The following ROR2 variants were observed in gnomAD, a reference collection of about 807,000 sequenced individuals.
ROR2 encodes ROR family WNT receptor 2, also known as tyrosine-protein kinase transmembrane receptor ROR2.
ROR2 carries 33 observed loss-of-function variants against 74.9 expected under a neutral mutation model. That is an observed-to-expected ratio of 0.44 (90% CI 0.33 to 0.59). The LOEUF is 0.59. Ranked by LOEUF, ROR2 falls within the 20% of genes least tolerant of loss-of-function variation. ROR2 has a pLI of 0.02. For synonymous variants in ROR2, 586 were observed against 558.7 expected, an observed-to-expected ratio of 1.05 and a Z score of -0.69; for missense variants, 1,216 against 1,313.8, an observed-to-expected ratio of 0.93 and a Z score of 1.15.
chr9:91,724,024 A>T lies in ROR2; in HGVS notation c.2470T>A (p.Tyr824Asn), dbSNP rs1236045040. 1 of 1,612,358 alleles carries T rather than the reference A, an allele frequency of 6.2e-7. No individual in the cohort carries two copies. The highest frequency in any genetic ancestry group is 1.7e-5 in the Admixed American group (1 of 60,010). ...GCCCCATAGGCCGGCACCGGCTGGT[A>T]GCCGTTGACGGGGACGTAGAGCTGC... ...PPQLYVPVNGYQPVPAYGAYL... is the reference protein window; with the variant it reads ...PPQLYVPVNGNQPVPAYGAYL... The change falls in exon 9 of 9, where the codon TAC becomes AAC. Residue 824 changes from tyrosine to asparagine, a missense_variant. By Grantham distance (143) the Tyr-to-Asn change is moderately radical (BLOSUM62 -2). Transcript: ENST00000375708.
chr9:91,815,950 C>T (rs1317520505), intron 1 of ROR2, among the ~76,000 whole-genome samples: 2 of 152,166 alleles, frequency 1.3e-5, no homozygotes, highest in Admixed American at 6.5e-5. Context: ...ACTGGCCACT[C>T]TCTACCTGCT....
At position 91,820,555 on chromosome 9, in the gene ROR2, C is replaced by T. The variant is rs527853379; in HGVS notation, c.98-44737G>A. Among the ~76,000 whole-genome samples the T allele has an allele frequency of 3.4e-4, 52 of 152,308 alleles. No individual in the cohort carries two copies. In the South Asian group the frequency reaches 5.2e-3, roughly 15 times the overall value. On this transcript the variant is annotated intron_variant, in intron 1 of 8. Coordinates refer to ENST00000375708, the MANE Select transcript of ROR2 (RefSeq NM_004560.4). ...AATCTACCAGGAGAGTCCACCACTA[C>T]GCTGGCTCCCTCCCTCCCCTCCCCT...
At position 91,850,481 on chromosome 9, in the gene ROR2, G is replaced by A. The variant is rs368285689; in HGVS notation, c.98-74663C>T. Among the ~76,000 whole-genome samples, 159 of 152,250 alleles carry A rather than the reference G, an allele frequency of 1.0e-3. 6 individuals are homozygous for A. In the South Asian group the frequency reaches 0.029, roughly 28 times the overall value. Reference sequence around the variant, plus strand: ...CAGGACCACAAGAAAAGACTGTGACGCTGAAGCAAAGGGAAGGAGACAGGG... The same window carrying A: ...CAGGACCACAAGAAAAGACTGTGACACTGAAGCAAAGGGAAGGAGACAGGG... On this transcript the variant is annotated intron_variant, in intron 1 of 8. Transcript: ENST00000375708.
At chr9:91,824,805 C>G (rs895987990) in intron 1 of ROR2, among the ~76,000 whole-genome samples, 10 of 152,184 alleles carry the variant, frequency 6.6e-5, no homozygotes, top group Non-Finnish European at 1.3e-4. Flanking sequence ...GGAACCAGCC[C>G]ATGTGTTTGC....
At chr9:91,864,965 C>A (rs1829585674) in intron 1 of ROR2, among the ~76,000 whole-genome samples, 1 of 152,136 alleles carries the variant, frequency 6.6e-6, no homozygotes, top group Admixed American at 6.5e-5. Context: ...CTTCAAGTGG[C>A]AAGTTTAAAT....
intron 1 of ROR2, among the ~76,000 whole-genome samples, chr9:91,857,516 G>A (rs10992139): frequency 0.25 from 38,406 of 152,168 alleles, 5,274 homozygotes; most frequent in Admixed American, 0.42. Context: ...TTCTACAGCA[G>A]GAGACTCGCA....
At chr9:91,730,121 T>C (rs1837184293) in intron 7 of ROR2, among the ~76,000 whole-genome samples, 1 of 152,186 alleles carries the variant, frequency 6.6e-6, no homozygotes, top group Non-Finnish European at 1.5e-5. Context: ...TTTTGTATTT[T>C]TTGTAGAGAC....
chr9:91,916,239 T>C (rs1434141545), intron 1 of ROR2, among the ~76,000 whole-genome samples: 1 of 152,236 alleles, frequency 6.6e-6, no homozygotes. Flanking sequence ...GTGTTCTTGC[T>C]AGGAGCCAAA....
At chr9:91,945,322 C>A (rs962103243) in intron 1 of ROR2, among the ~76,000 whole-genome samples, 1 of 152,178 alleles carries the variant, frequency 6.6e-6, no homozygotes, top group African/African-American at 2.4e-5. Context: ...GGAGTTCAGG[C>A]CTAAACATTT....
chr9:91,889,039 T>C (rs1285655137), intron 1 of ROR2, among the ~76,000 whole-genome samples: 1 of 152,192 alleles, frequency 6.6e-6, no homozygotes, highest in Non-Finnish European at 1.5e-5. Flanking sequence ...ATAACCTCAT[T>C]TGGAAGAGAG....
chr9:91,880,798 G>A (rs775468214), intron 1 of ROR2, among the ~76,000 whole-genome samples: 7 of 152,228 alleles, frequency 4.6e-5, no homozygotes, highest in Admixed American at 1.3e-4. Flanking sequence ...TGAAGGTCAA[G>A]GGCAGGCTGG....
At chr9:91,923,656 A>C (rs1831328193) in intron 1 of ROR2, 1 of 152,226 alleles carries the variant, frequency 6.6e-6, no homozygotes, top group Non-Finnish European at 1.5e-5. Flanking sequence ...GTAATCAATA[A>C]CTCATCATTT....
At chr9:91,920,781 G>A (rs183441775) in intron 1 of ROR2, among the ~76,000 whole-genome samples, 11 of 152,218 alleles carry the variant, frequency 7.2e-5, no homozygotes, top group African/African-American at 2.7e-4. Context: ...CAGAGCTACA[G>A]GCAGAAGAGG....
intron 1 of ROR2, among the ~76,000 whole-genome samples, chr9:91,785,004 C>A (rs1425600588): frequency 6.6e-6 from 1 of 152,178 alleles, no homozygotes; most frequent in African/African-American, 2.4e-5. Context: ...TGCTCCTGTA[C>A]TCAGTACTTT....
At chr9:91,930,080 G>A (rs1831511481) in intron 1 of ROR2, among the ~76,000 whole-genome samples, 1 of 151,910 alleles carries the variant, frequency 6.6e-6, no homozygotes, top group Admixed American at 6.6e-5. Context: ...GAAATCATAA[G>A]CAGGAGGAAA....
intron 1 of ROR2, among the ~76,000 whole-genome samples, chr9:91,926,047 C>T (rs930208326): frequency 4.0e-5 from 6 of 151,772 alleles, no homozygotes; most frequent in Non-Finnish European, 7.4e-5. Context: ...AGTTCAAGAC[C>T]AGCCTGGCCA....
At chr9:91,918,339 G>C (rs1330849989) in intron 1 of ROR2, among the ~76,000 whole-genome samples, 1 of 150,912 alleles carries the variant, frequency 6.6e-6, no homozygotes, top group Non-Finnish European at 1.5e-5. Context: ...GACTTGCAAA[G>C]ATCTGAAGCC....
At chr9:91,882,962 T>C (rs1587817789) in intron 1 of ROR2, among the ~76,000 whole-genome samples, 1 of 152,138 alleles carries the variant, frequency 6.6e-6, no homozygotes, top group South Asian at 2.1e-4. Context: ...CCCAGAAAAC[T>C]AATAGAGATA....
At position 91,726,644 on chromosome 9, in the gene ROR2, C is replaced by T. The variant is rs1837047934; in HGVS notation, c.1283G>A (p.Cys428Tyr). Reference sequence around the variant, plus strand: ...CGCAGATGCCTTCTGCTTATTCCGGCACATGCAAACCAAGAAGAAAAGGCA... The same window carrying T: ...CGCAGATGCCTTCTGCTTATTCCGGTACATGCAAACCAAGAAGAAAAGGCA... Reference protein sequence around the residue: ...IACLFFLVCMCRNKQKASAST... With the variant: ...IACLFFLVCMYRNKQKASAST... Residue 428 changes from cysteine (C) to tyrosine (Y), a missense_variant, in exon 8 of 9, where the codon TGC becomes TAC. By Grantham distance (194) the Cys-to-Tyr change is radical. Coordinates refer to ENST00000375708, the MANE Select transcript of ROR2 (RefSeq NM_004560.4). 1 of 1,613,848 alleles carries T rather than the reference C, an allele frequency of 6.2e-7. No homozygotes were observed. Among genetic ancestry groups the T allele is most frequent in the Admixed American group, 1.7e-5 (1 of 59,974 alleles).
Sources: allele counts gnomAD v4.1 joint callset (sites outside exome capture counted in the v4.1 genomes callset), GRCh38; gene constraint gnomAD v4.1.1; transcripts MANE v1.5; gene names NCBI Gene and HGNC (gene_info 2026-07-23, HGNC 2026-07-21).